The following FMN1 variants were observed in gnomAD, a reference collection of about 807,000 sequenced individuals.
The protein encoded by FMN1 is formin 1.
In FMN1, 110 loss-of-function variants were observed where a neutral mutation model predicts 132.4. That is an observed-to-expected ratio of 0.83 (90% CI 0.71 to 0.97). FMN1 has a LOEUF of 0.97. Among genes scored for constraint, FMN1 ranks in the 50% least tolerant of loss-of-function variants. The pLI, the probability that FMN1 is intolerant of heterozygous loss-of-function variation, is 0.00. For missense variants in FMN1, 1,792 were observed against 1,705.3 expected, an observed-to-expected ratio of 1.05 and a Z score of -0.90; for synonymous variants, 722 against 651.7, an observed-to-expected ratio of 1.11 and a Z score of -1.64.
In FMN1 at chr15:32,969,377, T is replaced by C; in HGVS notation, c.2324A>G (p.His775Arg). Reference protein sequence around the residue: ...TIENLKHELEHRWRGGCEERK... With the variant: ...TIENLKHELERRWRGGCEERK... ...CTCTTCACAACCCCCTCGCCATCTG[T>C]GTTCTAGCTCGTGTTTCAGATTTTC... The change falls in exon 8 of 21, where the codon CAC (histidine) becomes CGC (arginine). Residue 775 changes from histidine to arginine, a missense_variant. Coordinates refer to ENST00000616417, the MANE Select transcript of FMN1 (RefSeq NM_001277313.2). 2 of 1,613,974 alleles carry C rather than the reference T, an allele frequency of 1.2e-6. No individual in the cohort carries two copies. Among genetic ancestry groups the C allele is most frequent in the South Asian group, 2.2e-5 (2 of 91,078 alleles).
At chr15:32,827,831 A>G (rs923992395) in intron 17 of FMN1, among the ~76,000 whole-genome samples, 1 of 151,684 alleles carries the variant, frequency 6.6e-6, no homozygotes, top group Non-Finnish European at 1.5e-5. Flanking sequence ...GTGACAGAGC[A>G]AGACTCCGTC....
At chr15:32,808,714 A>G (rs2057767008) in intron 17 of FMN1, among the ~76,000 whole-genome samples, 1 of 152,240 alleles carries the variant, frequency 6.6e-6, no homozygotes, top group Non-Finnish European at 1.5e-5. Flanking sequence ...TATGATGGGC[A>G]TTCCAGAATG....
chr15:33,033,848 T>A (rs949130430), intron 6 of FMN1, among the ~76,000 whole-genome samples: 3 of 152,112 alleles, frequency 2.0e-5, no homozygotes, highest in Non-Finnish European at 4.4e-5. Context: ...TAATTCTCAC[T>A]CCTTACTTCA....
intron 16 of FMN1, among the ~76,000 whole-genome samples, chr15:32,871,315 G>A (rs369794766): frequency 5.3e-5 from 8 of 152,190 alleles, no homozygotes; most frequent in South Asian, 4.1e-4. Context: ...TCGGTATCGC[G>A]CTCCTTGCCC....
At chr15:32,865,925 A>T (rs929533365) in intron 16 of FMN1, among the ~76,000 whole-genome samples, 2 of 152,124 alleles carry the variant, frequency 1.3e-5, no homozygotes, top group African/African-American at 4.8e-5. Flanking sequence ...CATTTAAATT[A>T]AAAGTGCTAA....
intron 7 of FMN1, among the ~76,000 whole-genome samples, chr15:32,981,534 A>T (rs1223884156): frequency 6.9e-5 from 9 of 131,314 alleles, no homozygotes; most frequent in Middle Eastern, 3.6e-3. Context: ...TAATAATAAT[A>T]ATAATAATAA....
chr15:32,792,998 C>G (rs2057143622), intron 19 of FMN1, among the ~76,000 whole-genome samples: 1 of 152,056 alleles, frequency 6.6e-6, no homozygotes, highest in Non-Finnish European at 1.5e-5. Context: ...AAGACGTTAT[C>G]CTTACTGAGA....
At chr15:33,101,295 T>C (rs539141908) in intron 4 of FMN1, among the ~76,000 whole-genome samples, 2 of 152,246 alleles carry the variant, frequency 1.3e-5, no homozygotes, top group South Asian at 4.1e-4. Flanking sequence ...AGGTTGGCGA[T>C]TTGGTAAATT....
intron 10 of FMN1, among the ~76,000 whole-genome samples, chr15:32,911,971 G>A (rs1037408655): frequency 1.8e-4 from 27 of 152,124 alleles, no homozygotes; most frequent in Admixed American, 1.2e-3. Context: ...TGTCTAGTGC[G>A]TTGAAAACCA....
intron 16 of FMN1, among the ~76,000 whole-genome samples, chr15:32,877,075 C>CT (rs1190268911): frequency 2.0e-5 from 3 of 152,172 alleles, no homozygotes; most frequent in Non-Finnish European, 2.9e-5. Context: ...CACCTGAAGT[C>CT]AGGAGTCTGA....
intron 9 of FMN1, among the ~76,000 whole-genome samples, chr15:32,948,030 A>G (rs1277099809): frequency 6.6e-6 from 1 of 152,036 alleles, no homozygotes; most frequent in East Asian, 1.9e-4. Flanking sequence ...CTCAAAAAGA[A>G]AGCTTTCAAA....
At chr15:33,046,722 A>C (rs2036701979) in intron 6 of FMN1, among the ~76,000 whole-genome samples, 1 of 150,980 alleles carries the variant, frequency 6.6e-6, no homozygotes, top group South Asian at 2.1e-4. Context: ...AAAAACGATA[A>C]GAATTTCTTA....
At chr15:32,971,274 C>A (rs1287753836) in intron 7 of FMN1, among the ~76,000 whole-genome samples, 1 of 152,174 alleles carries the variant, frequency 6.6e-6, no homozygotes. Flanking sequence ...AATAGCAGAG[C>A]AAGAGACTAA....
intron 19 of FMN1, among the ~76,000 whole-genome samples, chr15:32,781,646 C>T (rs1203076381): frequency 6.6e-6 from 1 of 152,246 alleles, no homozygotes; most frequent in East Asian, 1.9e-4. Flanking sequence ...ATACAATCTC[C>T]CTGCTATAAA....
intron 7 of FMN1, among the ~76,000 whole-genome samples, chr15:32,970,220 T>C (rs1204044970): frequency 6.6e-6 from 1 of 152,220 alleles, no homozygotes. Flanking sequence ...ATTGTACACT[T>C]ATTAGCACAG....
chr15:32,953,078 A>G (rs1396683911), intron 9 of FMN1, among the ~76,000 whole-genome samples: 1 of 152,150 alleles, frequency 6.6e-6, no homozygotes, highest in Non-Finnish European at 1.5e-5. Flanking sequence ...GCTGGAAGCG[A>G]GCGAGCATGA....
intron 12 of FMN1, among the ~76,000 whole-genome samples, chr15:32,906,150 T>G (rs2060419775): frequency 6.6e-6 from 1 of 152,158 alleles, no homozygotes; most frequent in Non-Finnish European, 1.5e-5. Context: ...ACGCATGATC[T>G]CTCCCTGCCT....
intron 17 of FMN1, among the ~76,000 whole-genome samples, chr15:32,818,892 T>G (rs948309216): frequency 6.8e-6 from 1 of 147,916 alleles, no homozygotes; most frequent in Non-Finnish European, 1.5e-5. Flanking sequence ...AGCCTGAAGC[T>G]AATTGTACAA....
In FMN1 at chr15:33,053,911, C is replaced by T. The variant is rs2037096351; in HGVS notation, c.2161+11046G>A. 3.3e-5 allele frequency among the ~76,000 whole-genome samples: 5 copies of T among 152,056 alleles called. 1 individual carries two copies. In the South Asian group the frequency reaches 1.0e-3, roughly 32 times the overall value. Reference sequence around the variant, plus strand: ...TTGTTTTCTTTTTTCCTTTTCTTTTCTTTCTTTCGGAGTTTTTAATGTAGA... The same window carrying T: ...TTGTTTTCTTTTTTCCTTTTCTTTTTTTTCTTTCGGAGTTTTTAATGTAGA... On this transcript the variant is annotated intron_variant, in intron 6 of 20. Coordinates refer to ENST00000616417, the MANE Select transcript of FMN1 (RefSeq NM_001277313.2).
Sources: gnomAD v4.1 joint callset for allele counts (sites outside exome capture counted in the v4.1 genomes callset) on GRCh38, gnomAD v4.1.1 for gene constraint, MANE v1.5 for transcripts, NCBI Gene and HGNC (gene_info 2026-07-23, HGNC 2026-07-21) for gene names.